Variants in KIF26B observed in about 807,000 individuals in gnomAD.
KIF26B encodes kinesin family member 26B.
Under a neutral mutation model 151.2 loss-of-function variants are expected in KIF26B, and 63 were observed. That is an observed-to-expected ratio of 0.42 (90% CI 0.34 to 0.51). The LOEUF (loss-of-function observed/expected upper bound fraction) is 0.51. Ranked by LOEUF, KIF26B falls within the 20% of genes least tolerant of loss-of-function variation. KIF26B has a pLI of 0.07. For missense variants in KIF26B, 2,813 were observed against 2,913.6 expected, an observed-to-expected ratio of 0.97 and a Z score of 0.79; for synonymous variants, 1,357 against 1,262.1, an observed-to-expected ratio of 1.08 and a Z score of -1.59.
chr1:245,422,137 C>T (rs1383831242), intron 4 of KIF26B, among the ~76,000 whole-genome samples: 1 of 152,114 alleles, frequency 6.6e-6, no homozygotes, highest in Non-Finnish European at 1.5e-5. Context: ...CAAATCTTTA[C>T]TATTACTTTC....
chr1:245,393,596 G>A (rs1308323991), intron 3 of KIF26B, among the ~76,000 whole-genome samples: 3 of 152,178 alleles, frequency 2.0e-5, no homozygotes, highest in Non-Finnish European at 2.9e-5. Flanking sequence ...ATTGGTGAGT[G>A]TGGTCTTACC....
intron 2 of KIF26B, among the ~76,000 whole-genome samples, chr1:245,158,715 G>T (rs1668485514): frequency 6.6e-6 from 1 of 152,188 alleles, no homozygotes; most frequent in Non-Finnish European, 1.5e-5. Flanking sequence ...GTGACATTTG[G>T]TGCAAGGGCA....
intron 2 of KIF26B, chr1:245,214,309 C>T (rs1669600086): frequency 6.6e-6 from 1 of 152,134 alleles, no homozygotes; most frequent in African/African-American, 2.4e-5. Flanking sequence ...CCCAGGAGTT[C>T]AAGGTGACAG....
intron 9 of KIF26B, among the ~76,000 whole-genome samples, chr1:245,638,348 A>C (rs1395603079): frequency 6.6e-6 from 1 of 151,892 alleles, no homozygotes; most frequent in African/African-American, 2.4e-5. Flanking sequence ...CAACTTTATT[A>C]AACTCATTTA....
intron 2 of KIF26B, among the ~76,000 whole-genome samples, chr1:245,188,799 G>A (rs1669045806): frequency 6.6e-6 from 1 of 152,166 alleles, no homozygotes; most frequent in Admixed American, 6.5e-5. Flanking sequence ...TAGCCAAAAG[G>A]TGGGAACAGC....
At chr1:245,672,297 G>A (rs2044297373) in intron 10 of KIF26B, among the ~76,000 whole-genome samples, 1 of 152,178 alleles carries the variant, frequency 6.6e-6, no homozygotes, top group South Asian at 2.1e-4. Flanking sequence ...GAGGTGGCTC[G>A]TCCTGACCTT....
Position 245,687,217 on chromosome 1 carries a change from G to C in KIF26B, c.4234G>C (p.Ala1412Pro), listed in dbSNP as rs374646652. 1 of 1,610,940 alleles carries C rather than the reference G, an allele frequency of 6.2e-7. No homozygotes were observed. The highest frequency in any genetic ancestry group is 1.7e-5 in the Admixed American group (1 of 59,862). Reference sequence around the variant, plus strand: ...CATCCAAGAGCCGGAGGCCCCCACCGCCACCCCCAAAGCAGGCCCCACATT... The same window carrying C: ...CATCCAAGAGCCGGAGGCCCCCACCCCCACCCCCAAAGCAGGCCCCACATT... ...RNIQEPEAPT[A>P]TPKAGPTLAQ... Residue 1412 changes from alanine (A) to proline (P), a missense_variant, in exon 12 of 15, where the codon GCC becomes CCC. This residue lies in a region of KIF26B where 2,060 missense variants were observed against 2,088.6 expected (regional missense o/e 0.99). Transcript: ENST00000407071. This position sits in a 1 kb window ranked among gnomAD's most constrained non-coding sequence, Gnocchi z 4.9.
chr1:245,632,140 ATCTT>A (rs1226715722), intron 9 of KIF26B, among the ~76,000 whole-genome samples: 1 of 151,960 alleles, frequency 6.6e-6, no homozygotes, highest in Non-Finnish European at 1.5e-5. Flanking sequence ...TCTATTTGAA[ATCTT>A]TCTCCTTTTT....
intron 2 of KIF26B, among the ~76,000 whole-genome samples, chr1:245,271,580 T>TG (rs1184568007): frequency 6.6e-6 from 1 of 150,744 alleles, no homozygotes; most frequent in African/African-American, 2.4e-5. Context: ...TTCAGTCAAA[T>TG]GCTTTTTTTT....
At chr1:245,421,800 T>A (rs1658493780) in intron 4 of KIF26B, among the ~76,000 whole-genome samples, 1 of 151,910 alleles carries the variant, frequency 6.6e-6, no homozygotes, top group Admixed American at 6.6e-5. Flanking sequence ...TCTTTGGAGC[T>A]GGGGAAAGGA....
rs147920753 is a variant in KIF26B, at chr1:245,358,965, T to C, written c.466-7869T>C. Among the ~76,000 whole-genome samples, 505 of 152,288 alleles carry C rather than the reference T, an allele frequency of 3.3e-3. No individual in the cohort carries two copies. Among genetic ancestry groups the C allele is most frequent in the Non-Finnish European group, 5.2e-3 (355 of 68,026 alleles). The stretch of plus-strand genomic sequence containing the variant: ...ATTTCCCAACAGCCAAGGGATATAC[T>C]GGAGAACAAGATTTTCAGGGTTGAA... On this transcript the variant is annotated intron_variant, in intron 2 of 14. Transcript: ENST00000407071. The surrounding 1 kb of genome is among the most constrained non-coding windows in gnomAD (Gnocchi z 4.1).
intron 2 of KIF26B, among the ~76,000 whole-genome samples, chr1:245,321,534 A>G (rs191040853): frequency 6.6e-6 from 1 of 152,086 alleles, no homozygotes; most frequent in East Asian, 1.9e-4. Context: ...AATCAGCAAA[A>G]CTCTCATTTC....
Position 245,702,617 on chromosome 1 carries a change from C to A in KIF26B, c.*11C>A. 6.2e-7 allele frequency: 1 copy of A among 1,611,826 alleles called. No homozygotes were observed. Among genetic ancestry groups the A allele is most frequent in the Non-Finnish European group, 8.5e-7 (1 of 1,178,528 alleles). ...TCCAGGCGCCGGTAGATGAGCCAGACCCTTGTCCTAGTGGTCCCCCGCTCC... is the reference window on the plus strand; with the variant it reads ...TCCAGGCGCCGGTAGATGAGCCAGAACCTTGTCCTAGTGGTCCCCCGCTCC... On this transcript the variant is annotated 3_prime_UTR_variant, in exon 15 of 15. Transcript: ENST00000407071. This position sits in a 1 kb window ranked among gnomAD's most constrained non-coding sequence, Gnocchi z 4.1.
At chr1:245,418,189 C>T (rs1674466890) in intron 3 of KIF26B, among the ~76,000 whole-genome samples, 1 of 152,260 alleles carries the variant, frequency 6.6e-6, no homozygotes, top group South Asian at 2.1e-4. Flanking sequence ...TGGACGGGAG[C>T]CCGCACCACA....
intron 10 of KIF26B, among the ~76,000 whole-genome samples, chr1:245,677,061 A>G (rs888340764): frequency 2.6e-5 from 4 of 152,220 alleles, no homozygotes; most frequent in African/African-American, 9.6e-5. Flanking sequence ...ATAAAAAGAG[A>G]TCGATGAGCA....
intron 4 of KIF26B, among the ~76,000 whole-genome samples, chr1:245,521,833 C>T (rs770259504): frequency 1.4e-4 from 22 of 152,210 alleles, no homozygotes; most frequent in African/African-American, 4.3e-4. Context: ...TTGTAAGAAG[C>T]GGTAAGGTGC....
intron 2 of KIF26B, among the ~76,000 whole-genome samples, chr1:245,297,561 C>A (rs1558379651): frequency 4.6e-5 from 7 of 152,196 alleles, no homozygotes; most frequent in Non-Finnish European, 1.5e-5. Flanking sequence ...AAATTAGAGT[C>A]ACAATTGTCT....
At position 245,263,503 on chromosome 1, in the gene KIF26B, C is replaced by T. The variant is rs181863617; in HGVS notation, c.466-103331C>T. Among the ~76,000 whole-genome samples, 17 of 152,260 alleles carry T rather than the reference C, an allele frequency of 1.1e-4. No homozygotes were observed. In the East Asian group the frequency reaches 1.9e-3, roughly 17 times the overall value. On this transcript the variant is annotated intron_variant, in intron 2 of 14. Transcript: ENST00000407071. Reference sequence around the variant, plus strand: ...CTATCATGAACTGTTCAAAGAGATACGCAGATACATCTCACAAACACTGAT... The same window carrying T: ...CTATCATGAACTGTTCAAAGAGATATGCAGATACATCTCACAAACACTGAT...
Position 245,607,653 on chromosome 1 carries a change from T to C in KIF26B, c.1560T>C (p.Ala520=). ...GTGTCTCCTCTTGTGTCTGACAGGC[T>C]GAAGTGTGTGCAGGCACCGTGGCAG... is the stretch of plus-strand genomic sequence containing the variant. ...DAVFPQDASQ[A]EVCAGTVAEV... Residue 520 remains alanine (A), a splice_region_variant and synonymous_variant, in exon 7 of 15, where the codon GCT becomes GCC. Transcript: ENST00000407071. 1 of 1,608,286 alleles carries C rather than the reference T, an allele frequency of 6.2e-7. No individual in the cohort carries two copies. Among genetic ancestry groups the C allele is most frequent in the South Asian group, 1.1e-5 (1 of 89,770 alleles).
Sources: allele counts gnomAD v4.1 joint callset (sites outside exome capture counted in the v4.1 genomes callset), GRCh38; gene constraint gnomAD v4.1.1; regional missense constraint gnomAD v4.1.1; non-coding constraint Gnocchi (gnomAD v3.1); transcripts MANE v1.5; gene names NCBI Gene and HGNC (gene_info 2026-07-23, HGNC 2026-07-21).